Variants in STARD9 observed in about 807,000 individuals in gnomAD.
STARD9 encodes the protein StAR related lipid transfer domain containing 9.
STARD9 carries 346 observed loss-of-function variants against 399.8 expected under a neutral mutation model. That is an observed-to-expected ratio of 0.87 (90% CI 0.79 to 0.95). STARD9 has a LOEUF of 0.95. Among genes scored for constraint, STARD9 ranks in the 40% least tolerant of loss-of-function variants. STARD9 has a pLI of 0.00. For missense variants in STARD9, 5,832 were observed against 5,667.5 expected (o/e 1.03, Z -0.93); for synonymous variants, 2,203 against 2,143.5 (o/e 1.03, Z -0.77).
chr15:42,583,886 T>G (rs144271727), intron 2 of STARD9, among the ~76,000 whole-genome samples: 12 of 152,252 alleles, frequency 7.9e-5, no homozygotes, highest in Non-Finnish European at 1.3e-4. Context: ...GTAACATCTT[T>G]CAGATCCCAG....
intron 26 of STARD9, among the ~76,000 whole-genome samples, chr15:42,696,598 G>T (rs1251600487): frequency 2.0e-5 from 3 of 152,184 alleles, no homozygotes; most frequent in Non-Finnish European, 4.4e-5. Flanking sequence ...TAGAATGACT[G>T]GATAGTAAGA....
At chr15:42,670,393 A>C (rs945096089) in intron 16 of STARD9, 4 of 152,248 alleles carry the variant, frequency 2.6e-5, no homozygotes, top group African/African-American at 7.2e-5. Context: ...CCTGGAGGCC[A>C]GTCCTCATTT....
chr15:42,658,517 C>G (rs1330476731), intron 9 of STARD9, among the ~76,000 whole-genome samples: 2 of 143,856 alleles, frequency 1.4e-5, no homozygotes, highest in African/African-American at 2.6e-5. Flanking sequence ...GATTCTTGCT[C>G]TGTCACCCAG....
At chr15:42,712,586 T>C (rs530270477) in intron 26 of STARD9, among the ~76,000 whole-genome samples, 1 of 152,330 alleles carries the variant, frequency 6.6e-6, no homozygotes, top group South Asian at 2.1e-4. Context: ...ATTTCCCCCA[T>C]TGAATTGTCT....
chr15:42,576,801 T>G (rs1244242159), intron 1 of STARD9, among the ~76,000 whole-genome samples: 3 of 152,196 alleles, frequency 2.0e-5, no homozygotes, highest in Non-Finnish European at 4.4e-5. Flanking sequence ...TGATTGGCTT[T>G]GAAAAGTCTT....
At chr15:42,658,674 G>A (rs1034373650) in intron 9 of STARD9, among the ~76,000 whole-genome samples, 7 of 151,178 alleles carry the variant, frequency 4.6e-5, no homozygotes, top group South Asian at 4.2e-4. Context: ...GTAGAGACGG[G>A]GTTTCACCGT....
chr15:42,682,118 C>T lies in STARD9; in HGVS notation c.2080C>T (p.Leu694Phe). The T allele has an allele frequency of 3.3e-6, 5 of 1,536,810 alleles. No homozygotes were observed. Among genetic ancestry groups the T allele is most frequent in the Non-Finnish European group, 4.4e-6 (5 of 1,146,616 alleles). The change falls in exon 22 of 33, where the codon CTC (leucine) becomes TTC (phenylalanine). Residue 694 changes from leucine (L) to phenylalanine (F), a missense_variant. Coordinates refer to ENST00000290607, the MANE Select transcript of STARD9 (RefSeq NM_020759.3). ...QQIKENQQCL[L>F]REETWLASLQ... is the part of the protein sequence containing the mutation. The stretch of plus-strand genomic sequence containing the variant: ...TTGGTTCCCAGACCAGCAGTGTCTG[C>T]TCAGAGAAGAGACCTGGCTGGCCAG...
intron 15 of STARD9, among the ~76,000 whole-genome samples, chr15:42,667,049 A>T (rs1356762098): frequency 6.6e-6 from 1 of 151,736 alleles, no homozygotes; most frequent in African/African-American, 2.4e-5. Context: ...TCCTGGCCTC[A>T]GGTAATCCAC....
rs750061089 is a variant in STARD9, at chr15:42,681,563, G to A, written c.2016G>A (p.Ala672=). The part of the protein sequence containing the change: ...HQILAEEIRA[A]KELEFDQAWI... ...TCCTAGCAGAAGAGATTCGAGCTGC[G>A]AAGGAACTGGAATTTGACCAAGCTT... Residue 672 remains alanine (A), a synonymous_variant, in exon 21 of 33, where the codon GCG becomes GCA. Coordinates refer to ENST00000290607, the MANE Select transcript of STARD9 (RefSeq NM_020759.3). 1.4e-5 allele frequency: 22 copies of A among 1,537,154 alleles called. 1 individual carries two copies. The highest frequency in any genetic ancestry group is 1.4e-4 in the Admixed American group (7 of 50,990).
chr15:42,693,624 C>T lies in STARD9; in HGVS notation c.12046C>T (p.Leu4016=). 6.5e-7 allele frequency: 1 copy of T among 1,537,280 alleles called. No individual in the cohort carries two copies. The change falls in exon 23 of 33, where the codon CTG becomes TTG. Residue 4016 remains leucine, a synonymous_variant. Coordinates refer to ENST00000290607, the MANE Select transcript of STARD9 (RefSeq NM_020759.3). ...AACTATCGGGGTCCAAAGCAGACTGCTGCCACCACCACTGAGGCACAGGAG... is the reference window on the plus strand; with the variant it reads ...AACTATCGGGGTCCAAAGCAGACTGTTGCCACCACCACTGAGGCACAGGAG... ...RTTIGVQSRL[L]PPPLRHRSQR... is the part of the protein sequence containing the mutation.
intron 3 of STARD9, among the ~76,000 whole-genome samples, chr15:42,591,341 A>G (rs571966184): frequency 6.6e-6 from 1 of 152,312 alleles, no homozygotes; most frequent in Admixed American, 6.5e-5. Flanking sequence ...TACAGAAAAT[A>G]GCCAGGCATG....
Position 42,663,376 on chromosome 15 carries a change from A to G in STARD9, c.964A>G (p.Ser322Gly). 2 of 1,537,312 alleles carry G rather than the reference A, an allele frequency of 1.3e-6. No individual in the cohort carries two copies. The highest frequency in any genetic ancestry group is 2.4e-5 in the South Asian group (2 of 84,066). Residue 322 changes from serine (S) to glycine (G), a missense_variant, in exon 12 of 33, where the codon AGC becomes GGC. Ser to Gly is a moderately conservative substitution (Grantham distance 56, BLOSUM62 0). Around this residue, in one of 2 missense-constraint regions of STARD9, gnomAD observed 5,828 missense variants for 5,651.1 expected, o/e 1.03. Coordinates refer to ENST00000290607, the MANE Select transcript of STARD9 (RefSeq NM_020759.3). ...GATCCTTAGCTCTCCTTCTGGGACC[A>G]GCAGTGGAGGGGCACCCTCCCGAAG... ...SGILSSPSGT[S>G]SGGAPSRRQS...
In STARD9 at chr15:42,681,410, C is replaced by G. The variant is rs531389008; in HGVS notation, c.1875-12C>G. 6.5e-7 allele frequency: 1 copy of G among 1,533,896 alleles called. No homozygotes were observed. Among genetic ancestry groups the G allele is most frequent in the Non-Finnish European group, 8.7e-7 (1 of 1,145,516 alleles). On this transcript the variant is annotated splice_polypyrimidine_tract_variant and intron_variant, in intron 20 of 32. Coordinates refer to ENST00000290607, the MANE Select transcript of STARD9 (RefSeq NM_020759.3). ...ATTTCCCCTTGGGTAACCTCAGCCG[C>G]TTCTGTGACAGGAGAGCGCTTGAAG...
In STARD9 at chr15:42,694,155, A is replaced by C; in HGVS notation, c.12577A>C (p.Lys4193Gln). 6.5e-7 allele frequency: 1 copy of C among 1,535,380 alleles called. No homozygotes were observed. The highest frequency in any genetic ancestry group is 2.4e-5 in the East Asian group (1 of 40,900). ...NDHSQDSEWSKREQIPLQVGA... is the reference protein window; with the variant it reads ...NDHSQDSEWSQREQIPLQVGA... ...CCACAGCCAGGATTCTGAGTGGTCC[A>C]AGAGGGAGCAGATCCCCCTGCAAGT... is the stretch of plus-strand genomic sequence containing the variant. The change falls in exon 23 of 33, where the codon AAG (lysine) becomes CAG (glutamine). Residue 4193 changes from lysine (K) to glutamine (Q), a missense_variant. Physicochemically the swap from Lys to Gln is moderately conservative, Grantham distance 53. This residue lies in a region of STARD9 where 5,828 missense variants were observed against 5,651.1 expected (regional missense o/e 1.03). Transcript: ENST00000290607.
chr15:42,719,696 G>A lies in STARD9; in HGVS notation c.*122G>A. 1.5e-6 allele frequency: 1 copy of A among 668,122 alleles called. No homozygotes were observed. The highest frequency in any genetic ancestry group is 1.8e-5 in the African/African-American group (1 of 55,540). The allele number at this position is 668,122 out of a possible 1,614,324, so 41.4% of individuals were successfully genotyped here. Reference sequence around the variant, plus strand: ...GGAAAAGCTGATGCTACCTGCTGTGGCCGATTGGGGCAGACAGCACTGGCC... The same window carrying A: ...GGAAAAGCTGATGCTACCTGCTGTGACCGATTGGGGCAGACAGCACTGGCC... On this transcript the variant is annotated 3_prime_UTR_variant, in exon 33 of 33. Coordinates refer to ENST00000290607, the MANE Select transcript of STARD9 (RefSeq NM_020759.3).
At position 42,694,939 on chromosome 15, in the gene STARD9, C is replaced by A. The variant is rs8039217; in HGVS notation, c.12963-201C>A. ...AAGGGCTCTGACATGCTATGCAAGT[C>A]TGCAGGCCTGGGTCTCAAGGTGGCT... On this transcript the variant is annotated intron_variant, in intron 24 of 32. Transcript: ENST00000290607. Among the ~76,000 whole-genome samples, 6,083 of 152,222 alleles carry A rather than the reference C, an allele frequency of 0.04. 349 individuals carry two copies. Among genetic ancestry groups the A allele is most frequent in the African/African-American group, 0.13 (5,240 of 41,494 alleles).
At chr15:42,714,058 A>ATT (rs35057586) in intron 26 of STARD9, among the ~76,000 whole-genome samples, 318 of 119,110 alleles carry the variant, frequency 2.7e-3, no homozygotes, top group Non-Finnish European at 3.6e-3. Context: ...ATGCACTAAG[A>ATT]TTTTTTTTTT....
At chr15:42,709,645 A>G (rs2061168654) in intron 26 of STARD9, among the ~76,000 whole-genome samples, 2 of 152,172 alleles carry the variant, frequency 1.3e-5, no homozygotes, top group Admixed American at 1.3e-4. Context: ...AGATGGCGCC[A>G]CTGCACTCCA....
chr15:42,619,046 A>C (rs1304424374), intron 3 of STARD9, among the ~76,000 whole-genome samples: 4 of 150,760 alleles, frequency 2.7e-5, no homozygotes, highest in Non-Finnish European at 4.4e-5. Flanking sequence ...TTCAGTTTTT[A>C]CTCTTTTATT....
Sources: gnomAD v4.1 joint callset for allele counts (sites outside exome capture counted in the v4.1 genomes callset) on GRCh38, gnomAD v4.1.1 for gene constraint, gnomAD v4.1.1 regional missense constraint, MANE v1.5 for transcripts, NCBI Gene and HGNC (gene_info 2026-07-23, HGNC 2026-07-21) for gene names.